KIN: variants seen among roughly 807,000 people sequenced by gnomAD.
KIN encodes Kin17 DNA and RNA binding protein.
In KIN, 47 loss-of-function variants were observed where a neutral mutation model predicts 63.0. The observed-to-expected ratio is 0.75, with a 90% CI of 0.59 to 0.95. The LOEUF (loss-of-function observed/expected upper bound fraction) is 0.95. Ranked by LOEUF, KIN falls within the 40% of genes least tolerant of loss-of-function variation. The pLI, the probability that KIN is intolerant of heterozygous loss-of-function variation, is 0.00. For synonymous variants in KIN, 160 were observed against 157.7 expected, an observed-to-expected ratio of 1.01 and a Z score of -0.11; for missense variants, 408 against 460.9, an observed-to-expected ratio of 0.89 and a Z score of 1.05.
intron 4 of KIN, 58 bp from the exon 5 acceptor site, chr10:7,779,077 G>C (rs527687847): frequency 6.4e-7 from 1 of 1,559,370 alleles, no homozygotes; most frequent in East Asian, 2.2e-5. Flanking sequence ...ACATAAATAT[G>C]AATGTGTTTC....
intron 11 of KIN, among the ~76,000 whole-genome samples, 185 bp from the exon 12 acceptor site, chr10:7,760,175 C>T (rs1321080419): frequency 1.3e-5 from 2 of 152,062 alleles, no homozygotes; most frequent in Non-Finnish European, 2.9e-5. Context: ...TTTCACTACT[C>T]GAACATTATA....
intron 5 of KIN, among the ~76,000 whole-genome samples, chr10:7,777,324 T>C (rs1189900353): frequency 6.6e-6 from 1 of 151,922 alleles, no homozygotes; most frequent in African/African-American, 2.4e-5. Context: ...ACAATGGTTA[T>C]GTCTGGGAGA....
rs780337438 is a variant in KIN, at chr10:7,779,006, C to T, written c.390G>A (p.Val130=). The change falls in exon 5 of 13, where the codon GTG becomes GTA. Residue 130 remains valine (V), a synonymous_variant. Transcript: ENST00000379562. The stretch of plus-strand genomic sequence containing the variant: ...TATACCAGCCTTTTGGTGTCTCGTC[C>T]ACTTTGCACAAGCCTTAAAAAAACA... ...KWLGREGLCK[V]DETPKGWYIQ... is the part of the protein sequence containing the mutation. 10 of 1,610,382 alleles carry T rather than the reference C, an allele frequency of 6.2e-6. No individual in the cohort carries two copies. In the South Asian group the frequency reaches 7.8e-5, roughly 12 times the overall value.
chr10:7,774,953 G>A (rs1331747143), intron 6 of KIN, 62 bp from the exon 7 acceptor site: 5 of 1,189,446 alleles, frequency 4.2e-6, no homozygotes, highest in Middle Eastern at 2.1e-4. Flanking sequence ...AAACTTCTCA[G>A]ATAAGATACT....
chr10:7,778,136 A>G (rs1300020557), intron 5 of KIN, among the ~76,000 whole-genome samples: 3 of 152,082 alleles, frequency 2.0e-5, no homozygotes, highest in Non-Finnish European at 4.4e-5. Flanking sequence ...TCCACCCTCA[A>G]ATACTCTGTC....
At chr10:7,760,602 G>T (rs1185699494) in intron 11 of KIN, among the ~76,000 whole-genome samples, 1 of 152,152 alleles carries the variant, frequency 6.6e-6, no homozygotes, top group Admixed American at 6.5e-5. Flanking sequence ...AAAAATAGGT[G>T]TGTAAAGTAC....
At chr10:7,756,170 G>A (rs1221214776) in intron 12 of KIN, 28 bp from the exon 13 acceptor site, 3 of 1,406,158 alleles carry the variant, frequency 2.1e-6, no homozygotes, top group Non-Finnish European at 2.9e-6. Flanking sequence ...TTAAAATAAG[G>A]TTAAAAACAC....
At chr10:7,760,882 A>G (rs1425411322) in intron 11 of KIN, among the ~76,000 whole-genome samples, 1 of 152,240 alleles carries the variant, frequency 6.6e-6, no homozygotes, top group Non-Finnish European at 1.5e-5. Flanking sequence ...ATACAGCAAG[A>G]AAAAAGAATG....
chr10:7,768,953 G>A (rs1430863357), intron 8 of KIN, among the ~76,000 whole-genome samples: 5 of 151,846 alleles, frequency 3.3e-5, no homozygotes, highest in Non-Finnish European at 7.4e-5. Flanking sequence ...GGAAGCGGAG[G>A]TTGCAGTGAG....
intron 4 of KIN, among the ~76,000 whole-genome samples, chr10:7,779,352 A>G (rs1835850544): frequency 6.6e-6 from 1 of 152,260 alleles, no homozygotes; most frequent in African/African-American, 2.4e-5. Flanking sequence ...GGTTGCAGTG[A>G]GCCAAGATCC....
chr10:7,787,531 C>A (rs1836047861), intron 1 of KIN, among the ~76,000 whole-genome samples: 1 of 152,210 alleles, frequency 6.6e-6, no homozygotes, highest in Non-Finnish European at 1.5e-5. Context: ...AGTATCCCCG[C>A]CCCTGTGAGG....
At chr10:7,756,479 A>G (rs1183026754) in intron 12 of KIN, among the ~76,000 whole-genome samples, 1 of 152,184 alleles carries the variant, frequency 6.6e-6, no homozygotes, top group Non-Finnish European at 1.5e-5. Flanking sequence ...GCTCCAGCCC[A>G]TGAAAGCAAA....
At position 7,769,354 on chromosome 10, in the gene KIN, C is replaced by T. The variant is rs1314275619; in HGVS notation, c.669-9G>A. ...CACTCGGTCCCAGAGTACTGATGAA[C>T]AGGAGAACCATGCTTGTTACCAAGA... On this transcript the variant is annotated splice_polypyrimidine_tract_variant and intron_variant, in intron 7 of 12. Coordinates refer to ENST00000379562, the MANE Select transcript of KIN (RefSeq NM_012311.4). The T allele has an allele frequency of 6.2e-7, 1 of 1,606,524 alleles. No homozygotes were observed. The highest frequency in any genetic ancestry group is 2.2e-5 in the East Asian group (1 of 44,812).
intron 10 of KIN, among the ~76,000 whole-genome samples, chr10:7,762,952 C>T (rs759910349): frequency 1.3e-5 from 2 of 152,118 alleles, no homozygotes; most frequent in African/African-American, 2.4e-5. Context: ...AATATTGATA[C>T]AAACTTTAAA....
intron 5 of KIN, among the ~76,000 whole-genome samples, chr10:7,777,221 C>T (rs1363088818): frequency 2.0e-5 from 3 of 149,204 alleles, no homozygotes; most frequent in Non-Finnish European, 4.4e-5. Context: ...AAATATAAGG[C>T]AATAAACTTT....
At chr10:7,757,064 G>T (rs956764977) in intron 12 of KIN, among the ~76,000 whole-genome samples, 1 of 152,086 alleles carries the variant, frequency 6.6e-6, no homozygotes, top group Non-Finnish European at 1.5e-5. Flanking sequence ...TCTCCCAGTG[G>T]AAATAATGGT....
At position 7,778,943 on chromosome 10, in the gene KIN, C is replaced by A. The variant is rs753370414; in HGVS notation, c.453G>T (p.Arg151=). Residue 151 remains arginine (R), a synonymous_variant, in exon 5 of 13, where the codon CGG becomes CGT. Transcript: ENST00000379562. ...YIDRDPETIR[R]QLELEKKKKQ... is the part of the protein sequence containing the mutation. Reference sequence around the variant, plus strand: ...TTTTCTTTTTCTCCAGTTCCAGTTGCCGGCGGATAGTTTCTGGGTCCCTGT... The same window carrying A: ...TTTTCTTTTTCTCCAGTTCCAGTTGACGGCGGATAGTTTCTGGGTCCCTGT... 1 of 1,614,050 alleles carries A rather than the reference C, an allele frequency of 6.2e-7. No homozygotes were observed. Among genetic ancestry groups the A allele is most frequent in the Non-Finnish European group, 8.5e-7 (1 of 1,180,024 alleles).
chr10:7,771,299 GT>G (rs1262553971), intron 7 of KIN, among the ~76,000 whole-genome samples: 1 of 152,176 alleles, frequency 6.6e-6, no homozygotes, highest in Non-Finnish European at 1.5e-5. Flanking sequence ...GGATTAAGCA[GT>G]TATTTTTGGC....
chr10:7,762,528 A>C lies in KIN; in HGVS notation c.947T>G (p.Val316Gly). 4 of 1,609,894 alleles carry C rather than the reference A, an allele frequency of 2.5e-6. No individual in the cohort carries two copies. The highest frequency in any genetic ancestry group is 3.4e-6 in the Non-Finnish European group (4 of 1,177,104). The change falls in exon 11 of 13, where the codon GTG becomes GGG. Residue 316 changes from valine to glycine, a missense_variant. Val to Gly is a moderately radical substitution (Grantham distance 109). Around this residue, in one of 2 missense-constraint regions of KIN, gnomAD observed 298 missense variants for 296.0 expected, o/e 1.01. Coordinates refer to ENST00000379562, the MANE Select transcript of KIN (RefSeq NM_012311.4). ...KEVIDKYTAV[V>G]KMIDSGDKLK... ...CTTGTCTCCAGAATCAATCATCTTC[A>C]CAACAGCTGTATATTTGTCAATTAC...
Sources: allele counts gnomAD v4.1 joint callset (sites outside exome capture counted in the v4.1 genomes callset), GRCh38; gene constraint gnomAD v4.1.1; regional missense constraint gnomAD v4.1.1; transcripts MANE v1.5; gene names NCBI Gene and HGNC (gene_info 2026-07-23, HGNC 2026-07-21).